The following TECPR1 variants were observed in gnomAD, a reference collection of about 807,000 sequenced individuals.
TECPR1 encodes tectonin beta-propeller repeat-containing protein 1.
TECPR1 carries 122 observed loss-of-function variants against 162.4 expected under a neutral mutation model. That is an observed-to-expected ratio of 0.75 (90% CI 0.65 to 0.87). The LOEUF (loss-of-function observed/expected upper bound fraction) is 0.87, where lower values mean the gene tolerates loss of function less well. Ranked by LOEUF, TECPR1 falls within the 40% of genes least tolerant of loss-of-function variation. TECPR1 has a pLI of 0.00. For missense variants in TECPR1, 1,432 were observed against 1,618.2 expected (o/e 0.88, Z 1.97); for synonymous variants, 642 against 670.6 (o/e 0.96, Z 0.66).
chr7:98,223,355 C>T (rs1798192272), intron 20 of TECPR1, among the ~76,000 whole-genome samples, 185 bp from the exon 21 acceptor site: 1 of 150,244 alleles, frequency 6.7e-6, no homozygotes, highest in Non-Finnish European at 1.5e-5. Context: ...CACCCCCACC[C>T]CCAGCCCCAG....
At position 98,217,367 on chromosome 7, in the gene TECPR1, G is replaced by T. The variant is rs762493762; in HGVS notation, c.*23C>A. ...ATCCCCCAAACTGGGCACCGTCCCT[G>T]CATGTAGGTGTGTGGGGGGGCCTCA... On this transcript the variant is annotated 3_prime_UTR_variant, in exon 26 of 26. Coordinates refer to ENST00000447648, the MANE Select transcript of TECPR1 (RefSeq NM_015395.3). 3 of 1,423,854 alleles carry T rather than the reference G, an allele frequency of 2.1e-6. No homozygotes were observed. The highest frequency in any genetic ancestry group is 2.3e-5 in the East Asian group (1 of 43,478). 88.2% of individuals were successfully genotyped at this position (1,423,854 alleles called of 1,614,324 possible).
rs1057235761 is a variant in TECPR1 at position 98,244,681 on chromosome 7, C to T, written c.421G>A (p.Ala141Thr). 3 of 1,611,314 alleles carry T rather than the reference C, an allele frequency of 1.9e-6. No individual in the cohort carries two copies. Among genetic ancestry groups the T allele is most frequent in the Non-Finnish European group, 2.5e-6 (3 of 1,178,742 alleles). ...GTGTAGGTGGCGGGAAAGTCGATGG[C>T]GTACGTCCACCCCTGAAACACCAAG... ...EPTEKGGWTYAIDFPATYTKD... is the reference protein window; with the variant it reads ...EPTEKGGWTYTIDFPATYTKD... The change falls in exon 5 of 26, where the codon GCC becomes ACC. Residue 141 changes from alanine (A) to threonine (T), a missense_variant. Transcript: ENST00000447648.
intron 19 of TECPR1, among the ~76,000 whole-genome samples, chr7:98,224,178 G>A (rs933474984): frequency 2.0e-5 from 3 of 152,184 alleles, no homozygotes; most frequent in African/African-American, 2.4e-5. Flanking sequence ...CCGAGGGGAC[G>A]GTCCTGGTCT....
Position 98,217,916 on chromosome 7 carries a change from T to C in TECPR1, c.3264+20A>G. On this transcript the variant is annotated intron_variant, in intron 24 of 25. Transcript: ENST00000447648. ...GAACCAGAGCACCCCAAGTGCCCGA[T>C]ACCCCCTGAGCACCCCCACCTGGTC... The C allele has an allele frequency of 6.5e-7, 1 of 1,544,952 alleles. No homozygotes were observed. Among genetic ancestry groups the C allele is most frequent in the Non-Finnish European group, 8.8e-7 (1 of 1,141,874 alleles).
rs770900705 is a variant in TECPR1, at chr7:98,231,934, A to G, written c.1844T>C (p.Leu615Pro). ...GGGCTTCCAGTCGCACCACCACTGC[A>G]GCGCCCCGGTCTTCACCCACACCGA... The part of the protein sequence containing the change: ...EQSVWVKTGA[L>P]QWWCDWKPHK... Residue 615 changes from leucine to proline, a missense_variant, in exon 13 of 26, where the codon CTG becomes CCG. Leu to Pro is a moderately conservative substitution (Grantham distance 98). Transcript: ENST00000447648. The G allele has an allele frequency of 6.2e-7, 1 of 1,607,282 alleles. No homozygotes were observed. Among genetic ancestry groups the G allele is most frequent in the Non-Finnish European group, 8.5e-7 (1 of 1,179,658 alleles).
rs780507230 is a variant in TECPR1, at chr7:98,222,470, T to C, written c.2980A>G (p.Ile994Val). Reference protein sequence around the residue: ...GTDQPFASISIGACYQVWAVA... With the variant: ...GTDQPFASISVGACYQVWAVA... ...GCCCACACCTGGTAGCAGGCCCCGA[T>C]GGAGATGGAGGCGAAGGGCTGGTCG... The change falls in exon 22 of 26, where the codon ATC becomes GTC. Residue 994 changes from isoleucine to valine, a missense_variant. By Grantham distance (29) the Ile-to-Val change is conservative. Coordinates refer to ENST00000447648, the MANE Select transcript of TECPR1 (RefSeq NM_015395.3). 14 of 1,595,296 alleles carry C rather than the reference T, an allele frequency of 8.8e-6. No individual in the cohort carries two copies. Among genetic ancestry groups the C allele is most frequent in the African/African-American group, 6.7e-5 (5 of 74,628 alleles).
intron 15 of TECPR1, among the ~76,000 whole-genome samples, chr7:98,230,563 C>T (rs899225270): frequency 2.0e-5 from 3 of 152,200 alleles, no homozygotes; most frequent in African/African-American, 7.2e-5. Context: ...GGCCCCGGGC[C>T]GCCCATGCAG....
chr7:98,229,371 C>T (rs540257960), intron 15 of TECPR1, among the ~76,000 whole-genome samples: 14 of 152,300 alleles, frequency 9.2e-5, no homozygotes, highest in Admixed American at 3.3e-4. Flanking sequence ...TGCAGGGTCT[C>T]GGCACTGGGG....
At chr7:98,247,062 C>T (rs894878398) in intron 2 of TECPR1, among the ~76,000 whole-genome samples, 3 of 151,454 alleles carry the variant, frequency 2.0e-5, no homozygotes, top group East Asian at 2.1e-4. Flanking sequence ...GGCTTGAACC[C>T]GGGAGATGGA....
chr7:98,232,721 A>T lies in TECPR1; in HGVS notation c.1818+106T>A. 7.4e-7 allele frequency: 1 copy of T among 1,356,118 alleles called. No individual in the cohort carries two copies. Among genetic ancestry groups the T allele is most frequent in the Non-Finnish European group, 9.8e-7 (1 of 1,025,632 alleles). 84.0% of individuals were successfully genotyped at this position (1,356,118 alleles called of 1,614,324 possible). A position where few individuals can be genotyped will look rare whatever the true frequency, so the allele number is the denominator to read the frequency against. On this transcript the variant is annotated intron_variant, in intron 12 of 25. Coordinates refer to ENST00000447648, the MANE Select transcript of TECPR1 (RefSeq NM_015395.3). The surrounding 1 kb of genome is among the most constrained non-coding windows in gnomAD (Gnocchi z 4.6). ...CTGCATCTGGGCGGGAGACCAGGGG[A>T]TGGAGGCATCTATCTGTTTCTCTCA...
At position 98,215,492 on chromosome 7, in the gene TECPR1, TAAA is replaced by T. The variant is rs1054983193; in HGVS notation, c.*1895_*1897del. ...CCACGCGTTTTAATCAACGTATCGATAAAAAACACCAGGGCACGGACACTCCAG... is the reference window on the plus strand; with the variant it reads ...CCACGCGTTTTAATCAACGTATCGATAAACACCAGGGCACGGACACTCCAG... On this transcript the variant is annotated 3_prime_UTR_variant, in exon 26 of 26. Coordinates refer to ENST00000447648, the MANE Select transcript of TECPR1 (RefSeq NM_015395.3). 1 of 152,192 alleles carries T rather than the reference TAAA, an allele frequency of 6.6e-6. No individual in the cohort carries two copies. The highest frequency in any genetic ancestry group is 6.5e-5 in the Admixed American group (1 of 15,278). 9.4% of individuals were successfully genotyped at this position (152,192 alleles called of 1,614,324 possible).
In TECPR1 at chr7:98,217,214, C is replaced by A; in HGVS notation, c.*176G>T. 3 of 588,218 alleles carry A rather than the reference C, an allele frequency of 5.1e-6. No homozygotes were observed. The South Asian group carries it at 6.2e-5, about 12-fold the overall frequency. 36.4% of individuals were successfully genotyped at this position (588,218 alleles called of 1,614,324 possible). A position where few individuals can be genotyped will look rare whatever the true frequency, so the allele number is the denominator to read the frequency against. ...GTGTGGGAGTGTCCGCGGAGCTTCA[C>A]ATTTCAGGGCCGTCTCAGCCAGTGC... is the stretch of plus-strand genomic sequence containing the variant. On this transcript the variant is annotated 3_prime_UTR_variant, in exon 26 of 26. Transcript: ENST00000447648.
rs572092142 is a variant in TECPR1 at position 98,241,996 on chromosome 7, C to A, written c.658-752G>T. Among the ~76,000 whole-genome samples, 10 of 152,310 alleles carry A rather than the reference C, an allele frequency of 6.6e-5. No individual in the cohort carries two copies. The Middle Eastern group carries it at 0.014, about 207-fold the overall frequency. ...AGGACACAAACGCTGCTCTGCAGCCCCTGTTCTCCCCTCTCTCTCTTTGCA... is the reference window on the plus strand; with the variant it reads ...AGGACACAAACGCTGCTCTGCAGCCACTGTTCTCCCCTCTCTCTCTTTGCA... On this transcript the variant is annotated intron_variant, in intron 6 of 25. Coordinates refer to ENST00000447648, the MANE Select transcript of TECPR1 (RefSeq NM_015395.3). This position sits in a 1 kb window ranked among gnomAD's most constrained non-coding sequence, Gnocchi z 5.0.
At chr7:98,248,744 G>C (rs764691606) in intron 2 of TECPR1, among the ~76,000 whole-genome samples, 7 of 151,732 alleles carry the variant, frequency 4.6e-5, no homozygotes, top group Non-Finnish European at 7.4e-5. Flanking sequence ...TTACTCAGGA[G>C]ACTGAGGCAG....
rs530475794 is a variant in TECPR1 at position 98,233,168 on chromosome 7, G to A, written c.1673-196C>T. The stretch of plus-strand genomic sequence containing the variant: ...TTCAGCCTGGAAAGCAGCCACCACC[G>A]CTAGCACAGGGGAGGGGCTGCAGAC... On this transcript the variant is annotated intron_variant, in intron 11 of 25. Coordinates refer to ENST00000447648, the MANE Select transcript of TECPR1 (RefSeq NM_015395.3). 1.8e-4 allele frequency: 145 copies of A among 791,718 alleles called. 1 individual carries two copies. In the Middle Eastern group the frequency reaches 2.3e-3, roughly 12 times the overall value. The allele number at this position is 791,718 out of a possible 1,614,324, so 49.0% of individuals were successfully genotyped here.
At chr7:98,223,464 G>A (rs1798194158) in intron 20 of TECPR1, among the ~76,000 whole-genome samples, 198 bp downstream of exon 20, 1 of 151,600 alleles carries the variant, frequency 6.6e-6, no homozygotes, top group East Asian at 1.9e-4. Context: ...AGAGAGCACC[G>A]GGAGCCTGCG....
In TECPR1 at chr7:98,217,452, T is replaced by C. The variant is rs1443040876; in HGVS notation, c.3436A>G (p.Ser1146Gly). 1 of 1,610,260 alleles carries C rather than the reference T, an allele frequency of 6.2e-7. No individual in the cohort carries two copies. The highest frequency in any genetic ancestry group is 8.5e-7 in the Non-Finnish European group (1 of 1,178,660). The change falls in exon 26 of 26, where the codon AGC (serine) becomes GGC (glycine). Residue 1146 changes from serine (S) to glycine (G), a missense_variant. Coordinates refer to ENST00000447648, the MANE Select transcript of TECPR1 (RefSeq NM_015395.3). ...VRANATRAPR[S>G]SSQEQEPSAP... is the part of the protein sequence containing the mutation. ...CTCGGCTCCTGCTCCTGGGACGAGC[T>C]CCGGGGGGCCCTGGTGGCATTGGCC...
At chr7:98,249,253 AG>A (rs1298449793) in intron 2 of TECPR1, among the ~76,000 whole-genome samples, 1 of 152,126 alleles carries the variant, frequency 6.6e-6, no homozygotes, top group African/African-American at 2.4e-5. Flanking sequence ...GGTGAGGAAC[AG>A]GAAGACAGGA....
At position 98,241,829 on chromosome 7, in the gene TECPR1, G is replaced by GC. The variant is rs908045420; in HGVS notation, c.658-586dup. Among the ~76,000 whole-genome samples, 21 of 152,170 alleles carry GC rather than the reference G, an allele frequency of 1.4e-4. No individual in the cohort carries two copies. Among genetic ancestry groups the GC allele is most frequent in the Admixed American group, 9.8e-4 (15 of 15,284 alleles). ...CCACCATCCCCCTACAGCAGGCCCT[G>GC]CAGGACCAGGCCTAGGAGCCTCCCT... On this transcript the variant is annotated intron_variant, in intron 6 of 25. Transcript: ENST00000447648. This position sits in a 1 kb window ranked among gnomAD's most constrained non-coding sequence, Gnocchi z 5.0.
Sources: gnomAD v4.1 joint callset for allele counts (sites outside exome capture counted in the v4.1 genomes callset) on GRCh38, gnomAD v4.1.1 for gene constraint, Gnocchi (gnomAD v3.1) non-coding constraint, MANE v1.5 for transcripts, NCBI Gene and HGNC (gene_info 2026-07-23, HGNC 2026-07-21) for gene names.